Variants in MGAT4C observed in about 807,000 individuals in gnomAD.
The protein encoded by MGAT4C is MGAT4 family member C, also known as alpha-1,3-mannosyl-glycoprotein 4-beta-N-acetylglucosaminyltransferase C.
In MGAT4C, 19 loss-of-function variants were observed where a neutral mutation model predicts 40.1. The observed-to-expected ratio is 0.47, with a 90% CI of 0.33 to 0.70. The LOEUF (loss-of-function observed/expected upper bound fraction) is 0.70, where lower values mean the gene tolerates loss of function less well. Among genes scored for constraint, MGAT4C ranks in the 30% least tolerant of loss-of-function variants. MGAT4C has a pLI of 0.02. For synonymous variants in MGAT4C, 181 were observed against 187.1 expected, an observed-to-expected ratio of 0.97 and a Z score of 0.27; for missense variants, 491 against 563.2, an observed-to-expected ratio of 0.87 and a Z score of 1.30.
At chr12:86,767,011 C>T (rs1477058564) in intron 1 of MGAT4C, among the ~76,000 whole-genome samples, 1 of 152,014 alleles carries the variant, frequency 6.6e-6, no homozygotes, top group African/African-American at 2.4e-5. Flanking sequence ...CAAGAAATAA[C>T]TAAAATCAGA....
chr12:86,535,115 T>C (rs188486629), intron 2 of MGAT4C, among the ~76,000 whole-genome samples: 1 of 152,258 alleles, frequency 6.6e-6, no homozygotes, highest in Non-Finnish European at 1.5e-5. Context: ...ATTTGCAGTC[T>C]AATTATTGAT....
intron 1 of MGAT4C, among the ~76,000 whole-genome samples, chr12:86,788,796 T>C (rs897137974): frequency 5.3e-5 from 8 of 152,158 alleles, no homozygotes; most frequent in Non-Finnish European, 7.4e-5. Flanking sequence ...AACATCATTA[T>C]GTAGAAAATG....
chr12:86,129,555 T>A (rs1248034873), intron 1 of MGAT4C, among the ~76,000 whole-genome samples: 2 of 24,676 alleles, frequency 8.1e-5, no homozygotes, highest in Non-Finnish European at 1.2e-4. Flanking sequence ...TTTTTTTTTT[T>A]TTTTTTTTTT....
chr12:86,121,034 T>C (rs1718461427), intron 1 of MGAT4C, among the ~76,000 whole-genome samples: 1 of 152,062 alleles, frequency 6.6e-6, no homozygotes, highest in Non-Finnish European at 1.5e-5. Flanking sequence ...GAATAACCAG[T>C]GTAGAGAAGA....
intron 3 of MGAT4C, among the ~76,000 whole-genome samples, chr12:86,425,322 T>A (rs1956905508): frequency 6.6e-6 from 1 of 152,146 alleles, no homozygotes; most frequent in Non-Finnish European, 1.5e-5. Flanking sequence ...TGGGGGGTGT[T>A]TACCTCATGA....
chr12:86,387,558 G>T (rs1308452884), intron 3 of MGAT4C, among the ~76,000 whole-genome samples: 2 of 152,032 alleles, frequency 1.3e-5, no homozygotes, highest in Admixed American at 6.6e-5. Flanking sequence ...ATGAAGAACT[G>T]CTGAGGGAGG....
intron 2 of MGAT4C, among the ~76,000 whole-genome samples, chr12:86,532,950 A>T (rs1328778025): frequency 6.6e-6 from 1 of 152,072 alleles, no homozygotes; most frequent in Non-Finnish European, 1.5e-5. Flanking sequence ...TATTCTAGGC[A>T]TTCTGCTAAG....
chr12:86,427,556 C>A (rs542700359), intron 3 of MGAT4C, among the ~76,000 whole-genome samples: 1 of 151,982 alleles, frequency 6.6e-6, no homozygotes, highest in East Asian at 1.9e-4. Context: ...GTGCACACAC[C>A]CTCTTATCCA....
intron 2 of MGAT4C, among the ~76,000 whole-genome samples, chr12:86,603,377 ATATAC>A (rs1208299002): frequency 7.6e-6 from 1 of 131,108 alleles, no homozygotes; most frequent in East Asian, 2.1e-4. Context: ...TATATACTAT[ATATAC>A]TATACTATAT....
At chr12:86,634,401 G>T (rs1258823120) in intron 2 of MGAT4C, among the ~76,000 whole-genome samples, 1 of 152,072 alleles carries the variant, frequency 6.6e-6, no homozygotes, top group Non-Finnish European at 1.5e-5. Flanking sequence ...ATTATCTATT[G>T]TTTTGTAACA....
rs571003368 is a variant in MGAT4C at position 86,820,757 on chromosome 12, G to A, written c.-262+17909C>T. Among the ~76,000 whole-genome samples, 333 of 150,916 alleles carry A rather than the reference G, an allele frequency of 2.2e-3. 1 individual carries two copies. Among genetic ancestry groups the A allele is most frequent in the Non-Finnish European group, 3.6e-3 (239 of 67,116 alleles). ...CTTGAATTTAGTAAGATTAGATTTTGAGTTCAGTGTGAAGGATATATTTGA... is the reference window on the plus strand; with the variant it reads ...CTTGAATTTAGTAAGATTAGATTTTAAGTTCAGTGTGAAGGATATATTTGA... On this transcript the variant is annotated intron_variant, in intron 1 of 7. Coordinates refer to the MGAT4C transcript ENST00000548651.
intron 4 of MGAT4C, among the ~76,000 whole-genome samples, chr12:86,288,842 T>A (rs964548751): frequency 6.6e-6 from 1 of 152,130 alleles, no homozygotes; most frequent in African/African-American, 2.4e-5. Flanking sequence ...TTGTAAAAAT[T>A]TTCTCCCATT....
At chr12:86,604,427 G>T (rs74906695) in intron 2 of MGAT4C, among the ~76,000 whole-genome samples, 6,768 of 152,052 alleles carry the variant, frequency 0.045, 389 homozygotes, top group East Asian at 0.25. Flanking sequence ...GGGCTTTCCA[G>T]GGAACAGAAC....
At chr12:86,381,534 T>C (rs910971067) in intron 3 of MGAT4C, among the ~76,000 whole-genome samples, 4 of 152,294 alleles carry the variant, frequency 2.6e-5, no homozygotes, top group African/African-American at 7.2e-5. Flanking sequence ...CTGTAGAGAC[T>C]GTGCCTGCCA....
intron 1 of MGAT4C, among the ~76,000 whole-genome samples, chr12:86,755,248 T>A (rs1951283058): frequency 6.6e-6 from 1 of 152,208 alleles, no homozygotes; most frequent in African/African-American, 2.4e-5. Context: ...ATGAGTTTTC[T>A]GCTGAATGGC....
At chr12:86,029,094 A>G (rs1890501898) in intron 2 of MGAT4C, among the ~76,000 whole-genome samples, 1 of 151,954 alleles carries the variant, frequency 6.6e-6, no homozygotes, top group African/African-American at 2.4e-5. Flanking sequence ...GGACAATGTT[A>G]TAAGCAGTAA....
chr12:86,493,149 A>G (rs891645913), intron 2 of MGAT4C, among the ~76,000 whole-genome samples: 3 of 150,720 alleles, frequency 2.0e-5, no homozygotes, highest in Non-Finnish European at 2.9e-5. Flanking sequence ...AGGAAACAAC[A>G]GGTGCTGTAG....
At chr12:86,487,733 T>C (rs1023525215) in intron 2 of MGAT4C, among the ~76,000 whole-genome samples, 16 of 152,196 alleles carry the variant, frequency 1.1e-4, no homozygotes, top group African/African-American at 3.1e-4. Flanking sequence ...AAAATTAAGC[T>C]TCCAATTTTA....
At chr12:86,515,323 G>A (rs916499267) in intron 2 of MGAT4C, among the ~76,000 whole-genome samples, 3 of 151,986 alleles carry the variant, frequency 2.0e-5, no homozygotes, top group African/African-American at 4.8e-5. Context: ...ATGAAAAATC[G>A]AAAAGAAAGA....
Sources: allele counts gnomAD v4.1 joint callset (sites outside exome capture counted in the v4.1 genomes callset), GRCh38; gene constraint gnomAD v4.1.1; transcripts MANE v1.5; gene names NCBI Gene and HGNC (gene_info 2026-07-23, HGNC 2026-07-21).